Variants in SDK2 observed in about 807,000 individuals in gnomAD.
SDK2 encodes the protein sidekick cell adhesion molecule 2, also known as protein sidekick-2.
Under a neutral mutation model 253.9 loss-of-function variants are expected in SDK2, and 105 were observed. The ratio of observed to expected loss-of-function variants is 0.41; its 90% CI spans 0.35 to 0.49. SDK2 has a LOEUF of 0.49. Ranked by LOEUF, SDK2 falls within the 20% of genes least tolerant of loss-of-function variation. The pLI is 0.06. For synonymous variants in SDK2, 1,249 were observed against 1,234.9 expected, an observed-to-expected ratio of 1.01 and a Z score of -0.24; for missense variants, 2,608 against 3,003.0, an observed-to-expected ratio of 0.87 and a Z score of 3.07.
At chr17:73,593,423 C>G (rs1241072610) in intron 1 of SDK2, among the ~76,000 whole-genome samples, 2 of 152,204 alleles carry the variant, frequency 1.3e-5, no homozygotes, top group East Asian at 1.9e-4. Context: ...CCCAAAGGAA[C>G]AGAGATGGGG....
chr17:73,410,843 C>T (rs2063119548), intron 18 of SDK2, among the ~76,000 whole-genome samples: 1 of 152,222 alleles, frequency 6.6e-6, no homozygotes, highest in African/African-American at 2.4e-5. Flanking sequence ...TCAGTGGCCT[C>T]TGCCACCTCC....
chr17:73,498,899 C>A (rs1459777736), intron 2 of SDK2, among the ~76,000 whole-genome samples: 1 of 152,190 alleles, frequency 6.6e-6, no homozygotes, highest in Admixed American at 6.5e-5. Flanking sequence ...TCCTGAAGAT[C>A]CTGGGTGAAA....
intron 16 of SDK2, among the ~76,000 whole-genome samples, chr17:73,418,463 C>T (rs1003542328): frequency 2.6e-5 from 4 of 152,146 alleles, no homozygotes; most frequent in Non-Finnish European, 4.4e-5. Flanking sequence ...CACCGCCCTT[C>T]AGGATTAGTG....
chr17:73,584,058 A>G (rs780475859), intron 1 of SDK2, among the ~76,000 whole-genome samples: 1 of 152,228 alleles, frequency 6.6e-6, no homozygotes, highest in Non-Finnish European at 1.5e-5. Context: ...CTCAAAGCTC[A>G]CAAGGCCTTC....
At chr17:73,577,726 C>T (rs1599694772) in intron 1 of SDK2, among the ~76,000 whole-genome samples, 1 of 152,138 alleles carries the variant, frequency 6.6e-6, no homozygotes, top group Non-Finnish European at 1.5e-5. Context: ...TTCTTATGCC[C>T]CAGTTTCCTC....
chr17:73,503,987 G>A (rs2063910602), intron 2 of SDK2, among the ~76,000 whole-genome samples: 1 of 152,202 alleles, frequency 6.6e-6, no homozygotes, highest in African/African-American at 2.4e-5. Flanking sequence ...GCGACTTGGA[G>A]GAAAGAGGGC....
Position 73,629,623 on chromosome 17 carries a change from C to T in SDK2, c.64+14402G>A, listed in dbSNP as rs912035431. 1.3e-5 allele frequency among the ~76,000 whole-genome samples: 2 copies of T among 152,168 alleles called. No homozygotes were observed. Among genetic ancestry groups the T allele is most frequent in the Non-Finnish European group, 1.5e-5 (1 of 68,032 alleles). ...GACTCAGCTTCTATGTTACCTCCTC[C>T]TCTGGGGCAGCATCTCAGGTCATCC... On this transcript the variant is annotated intron_variant, in intron 1 of 44. Coordinates refer to ENST00000392650, the MANE Select transcript of SDK2 (RefSeq NM_001144952.2). The surrounding 1 kb of genome is among the most constrained non-coding windows in gnomAD (Gnocchi z 5.0).
At chr17:73,565,685 C>T (rs370816818) in intron 1 of SDK2, among the ~76,000 whole-genome samples, 3 of 152,232 alleles carry the variant, frequency 2.0e-5, no homozygotes, top group African/African-American at 7.2e-5. Context: ...TGTGGAAATG[C>T]GATCTCCAGT....
intron 1 of SDK2, among the ~76,000 whole-genome samples, chr17:73,525,459 G>C (rs939666061): frequency 6.6e-6 from 1 of 152,200 alleles, no homozygotes; most frequent in Non-Finnish European, 1.5e-5. Context: ...CTTGGCTGGT[G>C]ACAGGGAATA....
intron 1 of SDK2, among the ~76,000 whole-genome samples, chr17:73,522,118 GT>G (rs2064084531): frequency 6.6e-6 from 1 of 151,628 alleles, no homozygotes; most frequent in Admixed American, 6.6e-5. Flanking sequence ...TTAAAGGTTT[GT>G]TTTTTTGCTC....
Position 73,350,224 on chromosome 17 carries a change from G to A in SDK2, c.6038+13C>T, listed in dbSNP as rs900559101. The A allele has an allele frequency of 2.1e-6, 1 of 473,772 alleles. No homozygotes were observed. The highest frequency in any genetic ancestry group is 2.9e-6 in the Non-Finnish European group (1 of 347,200). 29.3% of individuals were successfully genotyped at this position (473,772 alleles called of 1,614,324 possible). A position where few individuals can be genotyped will look rare whatever the true frequency, so the allele number is the denominator to read the frequency against. Reference sequence around the variant, plus strand: ...CTGGGCCTGGCCCCCAACCCACGCAGAGGGCCCAGTACCTGGTGTACAGGC... The same window carrying A: ...CTGGGCCTGGCCCCCAACCCACGCAAAGGGCCCAGTACCTGGTGTACAGGC... On this transcript the variant is annotated intron_variant, in intron 43 of 44. Transcript: ENST00000392650.
chr17:73,629,318 A>T lies in SDK2; in HGVS notation c.64+14707T>A, dbSNP rs1307513206. Among the ~76,000 whole-genome samples the T allele has an allele frequency of 6.6e-6, 1 of 152,132 alleles. No individual in the cohort carries two copies. Among genetic ancestry groups the T allele is most frequent in the East Asian group, 1.9e-4 (1 of 5,186 alleles). On this transcript the variant is annotated intron_variant, in intron 1 of 44. Transcript: ENST00000392650. The surrounding 1 kb of genome is among the most constrained non-coding windows in gnomAD (Gnocchi z 5.0). ...CCCCAGACGCATCTGCCTGTCCCAC[A>T]TGTGCTTAGATGATTCACCGTGGTT... is the stretch of plus-strand genomic sequence containing the variant.
At chr17:73,348,506 A>G in intron 44 of SDK2, 93 bp downstream of exon 44, 1 of 1,440,842 alleles carries the variant, frequency 6.9e-7, no homozygotes, top group Non-Finnish European at 9.3e-7. Context: ...TGCCCCTTGA[A>G]GGAAAGGAAG....
intron 44 of SDK2, among the ~76,000 whole-genome samples, chr17:73,346,081 G>A (rs370567162): frequency 3.3e-5 from 5 of 151,874 alleles, no homozygotes; most frequent in African/African-American, 7.3e-5. Flanking sequence ...TGGCACACGC[G>A]TGTAATCCCA....
intron 18 of SDK2, among the ~76,000 whole-genome samples, chr17:73,409,800 C>A (rs1196850082): frequency 6.6e-6 from 1 of 151,310 alleles, no homozygotes; most frequent in Non-Finnish European, 1.5e-5. Flanking sequence ...ATGTTATCTA[C>A]AATTAAAAAT....
chr17:73,448,938 G>T (rs1325176060), intron 4 of SDK2, among the ~76,000 whole-genome samples: 1 of 152,186 alleles, frequency 6.6e-6, no homozygotes, highest in African/African-American at 2.4e-5. Flanking sequence ...TGGGATTACA[G>T]GTGTGAGCCA....
chr17:73,406,046 A>G (rs1306486033), intron 18 of SDK2, among the ~76,000 whole-genome samples: 2 of 151,720 alleles, frequency 1.3e-5, no homozygotes, highest in East Asian at 3.9e-4. Context: ...ATCTTAAATC[A>G]CCTTTAGATT....
At position 73,541,628 on chromosome 17, in the gene SDK2, C is replaced by T. The variant is rs2044870532; in HGVS notation, c.65-34031G>A. Among the ~76,000 whole-genome samples the T allele has an allele frequency of 6.6e-6, 1 of 152,050 alleles. No individual in the cohort carries two copies. The highest frequency in any genetic ancestry group is 6.6e-5 in the Admixed American group (1 of 15,258). On this transcript the variant is annotated intron_variant, in intron 1 of 44. Transcript: ENST00000392650. The surrounding 1 kb of genome is among the most constrained non-coding windows in gnomAD (Gnocchi z 4.3). ...CTCTCCCTGCTGGCTCTTCATTTCTCGTGGCGTGTTTACCTTCCTGATTTT... is the reference window on the plus strand; with the variant it reads ...CTCTCCCTGCTGGCTCTTCATTTCTTGTGGCGTGTTTACCTTCCTGATTTT...
At chr17:73,605,097 C>A (rs1317613360) in intron 1 of SDK2, among the ~76,000 whole-genome samples, 1 of 152,154 alleles carries the variant, frequency 6.6e-6, no homozygotes, top group Non-Finnish European at 1.5e-5. Flanking sequence ...TCTGGTTTAC[C>A]AACATGGAGA....
Sources: gnomAD v4.1 joint callset for allele counts (sites outside exome capture counted in the v4.1 genomes callset) on GRCh38, gnomAD v4.1.1 for gene constraint, Gnocchi (gnomAD v3.1) non-coding constraint, MANE v1.5 for transcripts, NCBI Gene and HGNC (gene_info 2026-07-23, HGNC 2026-07-21) for gene names.